The following ARHGAP24 variants were observed in gnomAD, a reference collection of about 807,000 sequenced individuals.
The protein encoded by ARHGAP24 is Rho GTPase activating protein 24.
In ARHGAP24, 50 loss-of-function variants were observed where a neutral mutation model predicts 76.4. The observed-to-expected ratio is 0.65, with a 90% CI of 0.52 to 0.83. ARHGAP24 has a LOEUF of 0.83. Ranked by LOEUF, ARHGAP24 falls within the 40% of genes least tolerant of loss-of-function variation. The pLI is 0.00. For synonymous variants in ARHGAP24, 345 were observed against 323.3 expected (o/e 1.07, Z -0.72); for missense variants, 930 against 914.2 (o/e 1.02, Z -0.22).
chr4:85,477,649 G>A (rs150075554), intron 1 of ARHGAP24, among the ~76,000 whole-genome samples: 108 of 152,304 alleles, frequency 7.1e-4, no homozygotes, highest in African/African-American at 2.4e-3. Flanking sequence ...TGTGCAACAG[G>A]TGGTGATGAG....
chr4:85,866,158 A>C (rs1732186845), intron 3 of ARHGAP24, among the ~76,000 whole-genome samples: 1 of 152,142 alleles, frequency 6.6e-6, no homozygotes, highest in Admixed American at 6.6e-5. Flanking sequence ...TTTACATTTA[A>C]GTATATAGTG....
intron 3 of ARHGAP24, among the ~76,000 whole-genome samples, chr4:85,809,879 G>C (rs17400185): frequency 0.27 from 40,295 of 152,010 alleles, 6,864 homozygotes; most frequent in Non-Finnish European, 0.39. Context: ...TATAAACTGG[G>C]GTCTTCCAAA....
At chr4:85,490,295 C>A (rs954149420) in intron 1 of ARHGAP24, among the ~76,000 whole-genome samples, 1 of 152,084 alleles carries the variant, frequency 6.6e-6, no homozygotes, top group Admixed American at 6.5e-5. Context: ...ATTCCTGATA[C>A]CAATGTTGAC....
intron 4 of ARHGAP24, chr4:85,924,702 T>C (rs2148812751): frequency 6.6e-6 from 1 of 152,288 alleles, no homozygotes; most frequent in Admixed American, 6.5e-5. Context: ...GACCATTTTA[T>C]ATTTTAGAAT....
chr4:85,921,961 C>T (rs947377135), intron 3 of ARHGAP24, among the ~76,000 whole-genome samples: 3 of 152,150 alleles, frequency 2.0e-5, no homozygotes, highest in Admixed American at 6.5e-5. Flanking sequence ...AAACTGGGTC[C>T]CTGGTACCAA....
intron 3 of ARHGAP24, among the ~76,000 whole-genome samples, chr4:85,732,694 C>CTTTT (rs5859999): frequency 2.2e-5 from 3 of 136,800 alleles, no homozygotes; most frequent in Non-Finnish European, 3.1e-5. Flanking sequence ...ATTCAAACTT[C>CTTTT]TTTTTTTTTT....
intron 1 of ARHGAP24, among the ~76,000 whole-genome samples, chr4:85,503,965 T>C (rs1723929999): frequency 6.6e-6 from 1 of 152,240 alleles, no homozygotes; most frequent in Non-Finnish European, 1.5e-5. Context: ...TGCCTTCATT[T>C]AGTTATTTAC....
intron 2 of ARHGAP24, among the ~76,000 whole-genome samples, chr4:85,609,708 T>G (rs370113728): frequency 2.0e-5 from 3 of 152,192 alleles, no homozygotes; most frequent in Admixed American, 6.5e-5. Flanking sequence ...AATTGACACA[T>G]AATAATTGCA....
intron 3 of ARHGAP24, among the ~76,000 whole-genome samples, chr4:85,773,237 A>T (rs1013737539): frequency 6.6e-6 from 1 of 152,176 alleles, no homozygotes; most frequent in Non-Finnish European, 1.5e-5. Flanking sequence ...TAGAAATGTC[A>T]TAGTCCTTTA....
intron 1 of ARHGAP24, among the ~76,000 whole-genome samples, chr4:85,557,024 G>C (rs10026950): frequency 0.82 from 125,196 of 152,110 alleles, 53,997 homozygotes; most frequent in East Asian, 0.98. Flanking sequence ...GGAGAGTCCC[G>C]AGTCACTGCA....
intron 1 of ARHGAP24, among the ~76,000 whole-genome samples, chr4:85,561,391 T>C (rs1021396170): frequency 6.6e-6 from 1 of 152,220 alleles, no homozygotes; most frequent in Non-Finnish European, 1.5e-5. Context: ...TCCTTTGTTA[T>C]TTTGGACCTA....
At chr4:85,860,548 T>A (rs575450566) in intron 3 of ARHGAP24, among the ~76,000 whole-genome samples, 2 of 152,190 alleles carry the variant, frequency 1.3e-5, no homozygotes, top group African/African-American at 4.8e-5. Context: ...TAACTTAGAA[T>A]AGATAACTTC....
At chr4:85,917,817 G>T (rs1292301923) in intron 3 of ARHGAP24, among the ~76,000 whole-genome samples, 1 of 152,122 alleles carries the variant, frequency 6.6e-6, no homozygotes, top group African/African-American at 2.4e-5. Context: ...AATAGCAAAA[G>T]CCTACTTTGG....
At chr4:85,828,947 T>A (rs961138669) in intron 3 of ARHGAP24, among the ~76,000 whole-genome samples, 3 of 151,892 alleles carry the variant, frequency 2.0e-5, no homozygotes, top group Admixed American at 1.3e-4. Flanking sequence ...AAAAAGAATA[T>A]CAGATTTTAA....
At chr4:85,557,044 G>A (rs944414200) in intron 1 of ARHGAP24, among the ~76,000 whole-genome samples, 1 of 152,166 alleles carries the variant, frequency 6.6e-6, no homozygotes, top group African/African-American at 2.4e-5. Context: ...ACACCCTCTG[G>A]AGCCTGAGAG....
chr4:85,808,305 T>G (rs1312854595), intron 3 of ARHGAP24, among the ~76,000 whole-genome samples: 1 of 152,198 alleles, frequency 6.6e-6, no homozygotes, highest in Non-Finnish European at 1.5e-5. Context: ...TAACTTACTT[T>G]TCAACTCCCA....
intron 1 of ARHGAP24, among the ~76,000 whole-genome samples, chr4:85,481,243 C>G (rs1403461407): frequency 6.6e-6 from 1 of 152,152 alleles, no homozygotes; most frequent in Non-Finnish European, 1.5e-5. Context: ...TGTTTAGGCT[C>G]AGAGAGGTAA....
chr4:85,984,582 T>G (rs935732088), intron 8 of ARHGAP24, among the ~76,000 whole-genome samples: 2 of 152,122 alleles, frequency 1.3e-5, no homozygotes, highest in African/African-American at 4.8e-5. Flanking sequence ...ATGAATCTTG[T>G]TGGGGACACA....
intron 5 of ARHGAP24, among the ~76,000 whole-genome samples, chr4:85,954,374 T>A (rs1447412092): frequency 2.0e-5 from 3 of 152,194 alleles, no homozygotes; most frequent in Non-Finnish European, 2.9e-5. Flanking sequence ...CCTTTAGTAG[T>A]TATCTTGTTT....
Sources: allele counts gnomAD v4.1 joint callset (sites outside exome capture counted in the v4.1 genomes callset), GRCh38; gene constraint gnomAD v4.1.1; transcripts MANE v1.5; gene names NCBI Gene and HGNC (gene_info 2026-07-23, HGNC 2026-07-21).